The following APTX variants were observed in gnomAD, a reference collection of about 807,000 sequenced individuals.
APTX encodes the protein forkhead-associated domain histidine triad-like protein.
Under a neutral mutation model 42.3 loss-of-function variants are expected in APTX, and 33 were observed. The ratio of observed to expected loss-of-function variants is 0.78; its 90% CI spans 0.59 to 1.04. The LOEUF is 1.04. APTX is among the 50% of genes least tolerant of loss of function. The pLI is 0.00. For missense variants in APTX, 421 were observed against 415.1 expected (o/e 1.01, Z -0.12); for synonymous variants, 130 against 146.7 (o/e 0.89, Z 0.82).
At position 32,973,403 on chromosome 9, in the gene APTX, T is replaced by C. The variant is rs778165481; in HGVS notation, c.*95A>G. 1 of 1,400,588 alleles carries C rather than the reference T, an allele frequency of 7.1e-7. No individual in the cohort carries two copies. The highest frequency in any genetic ancestry group is 1.0e-6 in the Non-Finnish European group (1 of 989,658). 86.8% of individuals were successfully genotyped at this position (1,400,588 alleles called of 1,614,324 possible). A position where few individuals can be genotyped will look rare whatever the true frequency, so the allele number is the denominator to read the frequency against. On this transcript the variant is annotated 3_prime_UTR_variant, in exon 8 of 8. Coordinates refer to ENST00000379817, the MANE Select transcript of APTX (RefSeq NM_001195248.2). ...TGTGAAAAAGCTGCATGTTTTAATT[T>C]AGGAAATGAGTAGAAGTTCACAAGC... is the stretch of plus-strand genomic sequence containing the variant.
chr9:33,000,845 CTTTTTTTTTT>C (rs74178838), intron 1 of APTX, among the ~76,000 whole-genome samples: 2 of 98,804 alleles, frequency 2.0e-5, no homozygotes, highest in South Asian at 3.5e-4. Flanking sequence ...TTTTTTTTTT[CTTTTTTTTTT>C]TTTTTTTGAG....
chr9:32,979,195 C>G (rs918421278), intron 6 of APTX, among the ~76,000 whole-genome samples: 2 of 152,108 alleles, frequency 1.3e-5, no homozygotes, highest in African/African-American at 4.8e-5. Flanking sequence ...ACCTCCCTCC[C>G]GCCACTGTCA....
intron 6 of APTX, among the ~76,000 whole-genome samples, chr9:32,979,242 C>G (rs1254079016): frequency 6.6e-6 from 1 of 152,156 alleles, no homozygotes; most frequent in Non-Finnish European, 1.5e-5. Context: ...TGCTTTGTGT[C>G]CATGTGTGCT....
At chr9:33,007,578 C>A (rs187666138) in intron 1 of APTX, among the ~76,000 whole-genome samples, 1 of 152,256 alleles carries the variant, frequency 6.6e-6, no homozygotes, top group African/African-American at 2.4e-5. Context: ...ATAGGCAGTC[C>A]TAGGTCTGAT....
intron 6 of APTX, 23 bp from the exon 7 acceptor site, chr9:32,974,584 G>T: frequency 2.5e-6 from 3 of 1,201,576 alleles, no homozygotes; most frequent in South Asian, 1.2e-5. Context: ...AAAAAAAACT[G>T]AGCATTAAAC....
At chr9:32,984,563 G>A (rs1563960207) in intron 6 of APTX, 68 bp downstream of exon 6, 1 of 1,509,984 alleles carries the variant, frequency 6.6e-7, no homozygotes, top group East Asian at 2.3e-5. Flanking sequence ...CCCTCAGCAA[G>A]CCCAGGCTGA....
chr9:33,008,399 C>T (rs1274349616), intron 1 of APTX, among the ~76,000 whole-genome samples: 1 of 151,778 alleles, frequency 6.6e-6, no homozygotes, highest in Non-Finnish European at 1.5e-5. Flanking sequence ...TATACAATTT[C>T]TGACTAAGAT....
intron 1 of APTX, chr9:32,990,174 TTTA>T (rs1833239646): frequency 9.2e-6 from 3 of 327,470 alleles, no homozygotes; most frequent in Admixed American, 9.0e-5. Context: ...TATTTATTTA[TTTA>T]TTTTATTTAT....
At chr9:32,979,561 G>A (rs1391559057) in intron 6 of APTX, 2 of 154,008 alleles carry the variant, frequency 1.3e-5, no homozygotes, top group African/African-American at 4.8e-5. Flanking sequence ...CAACTCAACA[G>A]AACTTCCACT....
intron 1 of APTX, among the ~76,000 whole-genome samples, chr9:33,012,531 G>T (rs1837612354): frequency 6.6e-6 from 1 of 152,060 alleles, no homozygotes. Flanking sequence ...TCCTCTGGGG[G>T]TGCTCCTGTT....
At chr9:33,018,155 G>C (rs1838053693) in intron 1 of APTX, among the ~76,000 whole-genome samples, 1 of 149,692 alleles carries the variant, frequency 6.7e-6, no homozygotes, top group South Asian at 2.1e-4. Context: ...CTGTCACCCA[G>C]GCTGGAGCGC....
upstream of APTX, among the ~76,000 whole-genome samples, chr9:33,002,184 A>C (rs138766082): frequency 5.3e-3 from 800 of 152,286 alleles, 8 homozygotes; most frequent in African/African-American, 0.018. Context: ...CAGCAATTCC[A>C]GAAAGTTCCC....
chr9:33,019,814 C>T, intron 1 of APTX: 2 of 638,678 alleles, frequency 3.1e-6, no homozygotes, highest in Non-Finnish European at 5.4e-6. Flanking sequence ...AGCTTTCCAG[C>T]GGACGGCCAG....
intron 6 of APTX, among the ~76,000 whole-genome samples, chr9:32,977,907 A>T (rs2118428053): frequency 6.6e-6 from 1 of 152,350 alleles, no homozygotes; most frequent in African/African-American, 2.4e-5. Flanking sequence ...GAAGGTATTT[A>T]AAGAAGGGGC....
rs373304582 is a variant in APTX at position 32,986,032 on chromosome 9, T to TA, written c.484-3dup. On this transcript the variant is annotated splice_polypyrimidine_tract_variant and splice_region_variant and intron_variant, in intron 4 of 7. Coordinates refer to ENST00000379817, the MANE Select transcript of APTX (RefSeq NM_001195248.2). ...TTGACTCCAGTGGCCCAGGGATTCC[T>TA]AAAAAAAAAACAAAAAAAAAAACAA... 1,327 of 731,816 alleles carry TA rather than the reference T, an allele frequency of 1.8e-3. 3 individuals are homozygous for TA. The African/African-American group carries it at 0.024, about 13-fold the overall frequency. The allele number at this position is 731,816 out of a possible 1,614,324, so 45.3% of individuals were successfully genotyped here.
chr9:32,984,809 C>T lies in APTX; in HGVS notation c.592G>A (p.Ala198Thr), dbSNP rs1337981125. 3.7e-6 allele frequency: 6 copies of T among 1,614,150 alleles called. No individual in the cohort carries two copies. The highest frequency in any genetic ancestry group is 5.1e-6 in the Non-Finnish European group (6 of 1,180,020). ...GGTAAGACCAGCCAATGGTAACGGGCCTTTGGGTATTTATCCTTTATCACC... is the reference window on the plus strand; with the variant it reads ...GGTAAGACCAGCCAATGGTAACGGGTCTTTGGGTATTTATCCTTTATCACC... ...VVVIKDKYPKARYHWLVLPWT... is the reference protein window; with the variant it reads ...VVVIKDKYPKTRYHWLVLPWT... The change falls in exon 6 of 8, where the codon GCC (alanine) becomes ACC (threonine). Residue 198 changes from alanine to threonine, a missense_variant. Ala to Thr is a moderately conservative substitution (Grantham distance 58). Transcript: ENST00000379817.
Position 32,973,576 on chromosome 9 carries a change from A to C in APTX, c.951T>G (p.Leu317=), listed in dbSNP as rs1390409626. The C allele has an allele frequency of 6.2e-7, 1 of 1,613,984 alleles. No homozygotes were observed. The highest frequency in any genetic ancestry group is 8.5e-7 in the Non-Finnish European group (1 of 1,179,982). ...DGMPELLKLP[L]RCHECQQLLP... is the part of the protein sequence containing the mutation. ...GCAGCTGCTGGCACTCATGACAACG[A>C]AGGGGCAGCTTCAAGAGCTCAGGCA... Residue 317 remains leucine (L), a synonymous_variant, in exon 8 of 8, where the codon CTT becomes CTG. Coordinates refer to ENST00000379817, the MANE Select transcript of APTX (RefSeq NM_001195248.2).
intron 2 of APTX, among the ~76,000 whole-genome samples, chr9:32,988,685 GGAAAAAAAAAAAAA>G (rs1832797540): frequency 1.7e-5 from 1 of 60,472 alleles, no homozygotes; most frequent in Non-Finnish European, 3.1e-5. Context: ...TATCTCAGGA[GGAAAAAAAAAAAAA>G]AAAAAAAAAA....
intron 1 of APTX, among the ~76,000 whole-genome samples, chr9:32,991,638 C>T (rs1833662040): frequency 6.6e-6 from 1 of 151,934 alleles, no homozygotes; most frequent in Non-Finnish European, 1.5e-5. Flanking sequence ...AAAAATTAGC[C>T]AGGTGTGGTG....
Sources: gnomAD v4.1 joint callset for allele counts (sites outside exome capture counted in the v4.1 genomes callset) on GRCh38, gnomAD v4.1.1 for gene constraint, MANE v1.5 for transcripts, NCBI Gene and HGNC (gene_info 2026-07-23, HGNC 2026-07-21) for gene names.